The following CTBP2 variants were observed in gnomAD, a reference collection of about 807,000 sequenced individuals.
CTBP2 encodes C-terminal-binding protein 2.
A neutral mutation model predicts 80.3 loss-of-function variants in CTBP2; 30 were observed. The observed-to-expected ratio is 0.37, with a 90% CI of 0.28 to 0.51. CTBP2 has a LOEUF of 0.51. Among genes scored for constraint, CTBP2 ranks in the 20% least tolerant of loss-of-function variants. CTBP2 has a pLI of 0.93. For synonymous variants in CTBP2, 594 were observed against 587.4 expected (o/e 1.01, Z -0.16); for missense variants, 1,212 against 1,375.3 (o/e 0.88, Z 1.88).
intron 1 of CTBP2, among the ~76,000 whole-genome samples, chr10:125,010,875 C>T (rs895419627): frequency 1.3e-5 from 2 of 152,190 alleles, no homozygotes; most frequent in South Asian, 4.1e-4. Context: ...TATTTTTCCT[C>T]CAGTGAGGTA....
intron 3 of CTBP2, 198 bp from the exon 6 acceptor site, chr10:124,998,368 T>G: frequency 1.6e-6 from 1 of 615,992 alleles, no homozygotes; most frequent in Non-Finnish European, 2.8e-6. Flanking sequence ...AGCCCCAACA[T>G]CTACCCCTCC....
At chr10:125,138,700 T>C (rs1001330807) in intron 1 of CTBP2, among the ~76,000 whole-genome samples, 1 of 148,776 alleles carries the variant, frequency 6.7e-6, no homozygotes, top group African/African-American at 2.5e-5. Flanking sequence ...AGCAAACCAC[T>C]ACCCGAATAA....
At chr10:125,013,934 C>T (rs1956206107) in intron 1 of CTBP2, among the ~76,000 whole-genome samples, 1 of 152,194 alleles carries the variant, frequency 6.6e-6, no homozygotes, top group South Asian at 2.1e-4. Flanking sequence ...AGTTCTCTCT[C>T]TTTTACTGCA....
rs561396108 is a variant in CTBP2 at position 125,027,231 on chromosome 10, G to C, written c.529C>G (p.Arg177Gly). The C allele has an allele frequency of 3.7e-6, 6 of 1,613,446 alleles. No individual in the cohort carries two copies. The highest frequency in any genetic ancestry group is 3.3e-4 in the Middle Eastern group (2 of 6,062). Residue 177 changes from arginine (R) to glycine (G), a missense_variant, in exon 1 of 9, where the codon CGG becomes GGG. Arg to Gly is a moderately radical substitution (Grantham distance 125). Around this residue, in one of 3 missense-constraint regions of CTBP2, gnomAD observed 848 missense variants for 782.3 expected, o/e 1.08. Coordinates refer to ENST00000309035, the MANE Select transcript of CTBP2 (RefSeq NM_022802.3). ...GATGCAGCCCTGCTCTGTGTCTGCC[G>C]CCCCTGAGGGATCATTTTACCTCCA...
intron 2 of CTBP2, among the ~76,000 whole-genome samples, chr10:125,072,634 G>GAAA (rs55742060): frequency 2.1e-3 from 210 of 100,002 alleles, no homozygotes; most frequent in East Asian, 7.5e-3. Context: ...AAAAAGAAAA[G>GAAA]AAAAAAAAAA....
At position 125,057,359 on chromosome 10, in the gene CTBP2, GA is replaced by G. The variant is rs140325134; in HGVS notation, c.-101-18205del. On this transcript the variant is annotated intron_variant, in intron 2 of 10. Transcript: ENST00000337195. The stretch of plus-strand genomic sequence containing the variant: ...ACACACACATGGCTTAACTTAGCCT[GA>G]GAGGAACAACAAAAACCCCTTTCAA... Among the ~76,000 whole-genome samples the G allele has an allele frequency of 3.4e-3, 525 of 152,336 alleles. 4 individuals carry two copies. Among genetic ancestry groups the G allele is most frequent in the African/African-American group, 0.012 (509 of 41,580 alleles).
intron 1 of CTBP2, among the ~76,000 whole-genome samples, chr10:125,141,208 T>C (rs2133265268): frequency 6.6e-6 from 1 of 152,112 alleles, no homozygotes; most frequent in Admixed American, 6.5e-5. Flanking sequence ...TTGCAGCTTA[T>C]ATCCCAGAGT....
Position 125,050,232 on chromosome 10 carries a change from G to A in CTBP2, c.-101-11077C>T, listed in dbSNP as rs115738145. The stretch of plus-strand genomic sequence containing the variant: ...CCGCTCTGCAGCATCATGGGGCACC[G>A]GTACCCTGTCTCCTGCGACAGGTCG... On this transcript the variant is annotated intron_variant, in intron 2 of 10. Transcript: ENST00000337195. 5.9e-3 allele frequency among the ~76,000 whole-genome samples: 903 copies of A among 152,234 alleles called. 9 individuals carry two copies. Among genetic ancestry groups the A allele is most frequent in the African/African-American group, 0.021 (860 of 41,516 alleles).
At chr10:125,055,105 C>T (rs1963613642) in intron 2 of CTBP2, among the ~76,000 whole-genome samples, 1 of 152,192 alleles carries the variant, frequency 6.6e-6, no homozygotes, top group African/African-American at 2.4e-5. Flanking sequence ...AATGCAGCCT[C>T]CTAGACCCCC....
At chr10:125,037,220 G>A (rs986030949) in intron 3 of CTBP2, among the ~76,000 whole-genome samples, 1 of 152,208 alleles carries the variant, frequency 6.6e-6, no homozygotes, top group African/African-American at 2.4e-5. Flanking sequence ...GGATGGGACA[G>A]AGGGTCTGCA....
chr10:125,056,063 G>A (rs552658081), intron 2 of CTBP2, among the ~76,000 whole-genome samples: 2 of 152,192 alleles, frequency 1.3e-5, no homozygotes, highest in East Asian at 3.9e-4. Context: ...TACTCAGGAG[G>A]CTAAGGCAGG....
intron 2 of CTBP2, among the ~76,000 whole-genome samples, chr10:125,058,505 G>A (rs1329102673): frequency 6.6e-6 from 1 of 152,156 alleles, no homozygotes; most frequent in Non-Finnish European, 1.5e-5. Context: ...GAAATGTGAA[G>A]CCACGGCCGG....
rs762837123 is a variant in CTBP2 at position 125,026,672 on chromosome 10, G to A, written c.1088C>T (p.Pro363Leu). 1.5e-5 allele frequency: 24 copies of A among 1,605,724 alleles called. No homozygotes were observed. In the Admixed American group the frequency reaches 2.7e-4, roughly 18 times the overall value. The change falls in exon 1 of 9, where the codon CCG becomes CTG. Residue 363 changes from proline to leucine, a missense_variant. Around this residue, in one of 3 missense-constraint regions of CTBP2, gnomAD observed 848 missense variants for 782.3 expected, o/e 1.08. Coordinates refer to ENST00000309035, the MANE Select transcript of CTBP2 (RefSeq NM_022802.3). ...GCTGCTGGACCGCGCCCGGGGCAGC[G>A]GGCCCCCCCGGTCCTGCCTCCGCAG... is the stretch of plus-strand genomic sequence containing the variant.
intron 1 of CTBP2, among the ~76,000 whole-genome samples, chr10:125,159,418 C>G (rs1345166500): frequency 6.9e-6 from 1 of 145,094 alleles, no homozygotes; most frequent in African/African-American, 2.5e-5. Context: ...GCCCGGCCCC[C>G]GCCCGCGCCC....
intron 2 of CTBP2, among the ~76,000 whole-genome samples, chr10:125,098,657 GGAGAGAGAGAGAGAGAGAGAGAGA>G (rs565818097): frequency 0.012 from 538 of 44,938 alleles, 9 homozygotes; most frequent in African/African-American, 0.021. Context: ...TGGGGGAGGG[GGAGAGAGAGAGAGAGAGAGAGAGA>G]GAGAGAGAGA....
In CTBP2 at chr10:125,038,848, C is replaced by T; in HGVS notation, c.58+149G>A. 5.3e-6 allele frequency: 4 copies of T among 759,982 alleles called. No homozygotes were observed. The South Asian group carries it at 7.5e-5, about 14-fold the overall frequency. The allele number at this position is 759,982 out of a possible 1,614,324, so 47.1% of individuals were successfully genotyped here. A position where few individuals can be genotyped will look rare whatever the true frequency, so the allele number is the denominator to read the frequency against. On this transcript the variant is annotated intron_variant, in intron 3 of 10. Transcript: ENST00000337195. ...AGGCCAGGCCCACGGCCAAGGACAC[C>T]CAGCAGAGGGTGCCAATGGTATGCA... is the stretch of plus-strand genomic sequence containing the variant.
intron 2 of CTBP2, among the ~76,000 whole-genome samples, chr10:125,081,833 C>T (rs929150370): frequency 3.3e-5 from 5 of 152,082 alleles, no homozygotes; most frequent in African/African-American, 1.2e-4. Flanking sequence ...ATGTCAGGGG[C>T]GCTTCAGATG....
chr10:125,093,560 AATTT>A, intron 2 of CTBP2, among the ~76,000 whole-genome samples: 1 of 152,270 alleles, frequency 6.6e-6, no homozygotes, highest in South Asian at 2.1e-4. Flanking sequence ...ACCACACTTG[AATTT>A]ATAAATGGCC....
chr10:125,145,206 A>T (rs946220099), intron 1 of CTBP2, among the ~76,000 whole-genome samples: 3 of 152,212 alleles, frequency 2.0e-5, no homozygotes, highest in Admixed American at 2.0e-4. Context: ...GAAGAAAGCC[A>T]GTCTGTGTGC....
Sources: allele counts gnomAD v4.1 joint callset (sites outside exome capture counted in the v4.1 genomes callset), GRCh38; gene constraint gnomAD v4.1.1; regional missense constraint gnomAD v4.1.1; transcripts MANE v1.5; gene names NCBI Gene and HGNC (gene_info 2026-07-23, HGNC 2026-07-21).